Variants in TTF1 observed in about 807,000 individuals in gnomAD.
The protein encoded by TTF1 is transcription termination factor 1.
In TTF1, 64 loss-of-function variants were observed where a neutral mutation model predicts 80.2. The observed-to-expected ratio is 0.80, with a 90% CI of 0.65 to 0.98. The LOEUF (loss-of-function observed/expected upper bound fraction) is 0.98. Ranked by LOEUF, TTF1 falls within the 50% of genes least tolerant of loss-of-function variation. The pLI, the probability that TTF1 is intolerant of heterozygous loss-of-function variation, is 0.00. For synonymous variants in TTF1, 372 were observed against 382.7 expected, an observed-to-expected ratio of 0.97 and a Z score of 0.33; for missense variants, 1,023 against 1,086.2, an observed-to-expected ratio of 0.94 and a Z score of 0.82.
Position 132,388,017 on chromosome 9 carries a change from C to T in TTF1, c.2312+122G>A, listed in dbSNP as rs573911613. The T allele has an allele frequency of 4.1e-4, 267 of 655,374 alleles. 1 individual carries two copies. The Middle Eastern group carries it at 9.6e-3, about 24-fold the overall frequency. The allele number at this position is 655,374 out of a possible 1,614,324, so 40.6% of individuals were successfully genotyped here. ...GTAGGTCATATGCCCACAATACATG[C>T]GGAAAGTGCTGGAACAGGGATTTGG... On this transcript the variant is annotated intron_variant, in intron 8 of 10. Transcript: ENST00000334270.
At position 132,388,129 on chromosome 9, in the gene TTF1, T is replaced by A. The variant is rs932247711; in HGVS notation, c.2312+10A>T. ...AACAGTTAAGAGGCATCCGTTTCTA[T>A]TTTTCATACCTTTCAATAAGGCTGA... On this transcript the variant is annotated intron_variant, in intron 8 of 10. Transcript: ENST00000334270. 1 of 1,605,732 alleles carries A rather than the reference T, an allele frequency of 6.2e-7. No individual in the cohort carries two copies. The highest frequency in any genetic ancestry group is 1.3e-5 in the African/African-American group (1 of 74,844).
chr9:132,399,978 T>A (rs114078010), intron 3 of TTF1, 57 bp downstream of exon 3: 1 of 1,556,316 alleles, frequency 6.4e-7, no homozygotes, highest in Non-Finnish European at 8.8e-7. Context: ...AAAAGAAAGT[T>A]AGGTGCTAGC....
At chr9:132,382,732 A>G (rs1849388595) in intron 9 of TTF1, among the ~76,000 whole-genome samples, 1 of 150,966 alleles carries the variant, frequency 6.6e-6, no homozygotes, top group African/African-American at 2.4e-5. Context: ...CCTGGGCAAC[A>G]TGGCAAAACC....
At chr9:132,388,305 C>T (rs1435154281) in intron 7 of TTF1, 77 bp from the exon 8 acceptor site, 2 of 1,040,034 alleles carry the variant, frequency 1.9e-6, no homozygotes, top group Non-Finnish European at 2.8e-6. Context: ...TTTTTCTTAT[C>T]TAAATTGCTC....
chr9:132,384,008 G>A lies in TTF1; in HGVS notation c.2378+2548C>T, dbSNP rs550390506. ...AGTTGTTTTGTAGAATGTATTTCTA[G>A]AAATGGAATTACTAGAATTATTTGA... is the stretch of plus-strand genomic sequence containing the variant. On this transcript the variant is annotated intron_variant, in intron 9 of 10. Transcript: ENST00000334270. This position sits in a 1 kb window ranked among gnomAD's most constrained non-coding sequence, Gnocchi z 4.1. Among the ~76,000 whole-genome samples the A allele has an allele frequency of 6.6e-6, 1 of 152,220 alleles. No homozygotes were observed. The highest frequency in any genetic ancestry group is 2.1e-4 in the South Asian group (1 of 4,826).
intron 8 of TTF1, among the ~76,000 whole-genome samples, chr9:132,387,098 T>A (rs1849481916): frequency 6.6e-6 from 1 of 152,040 alleles, no homozygotes; most frequent in African/African-American, 2.4e-5. Flanking sequence ...GCTGGAACCA[T>A]AAGCACGTGG....
At chr9:132,394,801 G>A (rs982484604) in intron 5 of TTF1, among the ~76,000 whole-genome samples, 5 of 152,032 alleles carry the variant, frequency 3.3e-5, no homozygotes, top group Non-Finnish European at 7.4e-5. Context: ...GCTGAGGCAG[G>A]AGAATCGCTT....
intron 10 of TTF1, among the ~76,000 whole-genome samples, chr9:132,378,628 G>A (rs1167649163): frequency 7.4e-6 from 1 of 135,206 alleles, no homozygotes; most frequent in Non-Finnish European, 1.5e-5. Context: ...AGTGCATGTG[G>A]TTGGTGTGAG....
chr9:132,396,949 G>A (rs1849663055), intron 4 of TTF1, among the ~76,000 whole-genome samples: 2 of 152,054 alleles, frequency 1.3e-5, no homozygotes, highest in Admixed American at 1.3e-4. Context: ...TGGCCAGGCT[G>A]GTCTTGAACT....
chr9:132,390,820 C>G lies in TTF1; in HGVS notation c.1999G>C (p.Gly667Arg). 6.2e-7 allele frequency: 1 copy of G among 1,613,822 alleles called. No homozygotes were observed. The highest frequency in any genetic ancestry group is 8.5e-7 in the Non-Finnish European group (1 of 1,179,922). ...CGGGTTTCAGACTTACTCCAAGCAC[C>G]ACGATTTCTTTCTGTAGATATAAAA... ...FSQISSQRNR[G>R]AWSKSETRKL... The change falls in exon 7 of 11, where the codon GGT (glycine) becomes CGT (arginine). Residue 667 changes from glycine (G) to arginine (R), a missense_variant. By Grantham distance (125) the Gly-to-Arg change is moderately radical (BLOSUM62 -2). Coordinates refer to ENST00000334270, the MANE Select transcript of TTF1 (RefSeq NM_007344.4).
chr9:132,397,724 C>T (rs79501037), intron 4 of TTF1, among the ~76,000 whole-genome samples: 120 of 152,250 alleles, frequency 7.9e-4, no homozygotes, highest in African/African-American at 2.8e-3. Context: ...CGGTGGCTCA[C>T]GCCTGTAATC....
At position 132,375,738 on chromosome 9, in the gene TTF1, G is replaced by A. The variant is rs1183707664; in HGVS notation, c.*177C>T. 30 of 554,874 alleles carry A rather than the reference G, an allele frequency of 5.4e-5. No homozygotes were observed. The highest frequency in any genetic ancestry group is 5.1e-4 in the South Asian group (23 of 45,106). The allele number at this position is 554,874 out of a possible 1,614,324, so 34.4% of individuals were successfully genotyped here. A position where few individuals can be genotyped will look rare whatever the true frequency, so the allele number is the denominator to read the frequency against. ...AAATAGTAATCTCTCTCTCTCATGCGGTGGTGCGATCTTGGCTCACTGCAA... is the reference window on the plus strand; with the variant it reads ...AAATAGTAATCTCTCTCTCTCATGCAGTGGTGCGATCTTGGCTCACTGCAA... On this transcript the variant is annotated 3_prime_UTR_variant, in exon 11 of 11. Transcript: ENST00000334270.
chr9:132,379,150 G>T lies in TTF1; in HGVS notation c.2379-6C>A. 6.3e-7 allele frequency: 1 copy of T among 1,587,164 alleles called. No homozygotes were observed. Among genetic ancestry groups the T allele is most frequent in the South Asian group, 1.1e-5 (1 of 87,250 alleles). On this transcript the variant is annotated splice_region_variant and splice_polypyrimidine_tract_variant and intron_variant, in intron 9 of 10. Coordinates refer to ENST00000334270, the MANE Select transcript of TTF1 (RefSeq NM_007344.4). ...CGTAAGATGGAGGAACATCACTTTA[G>T]AAAAGGAAAGAAAAGATAAAAAGCA...
intron 5 of TTF1, among the ~76,000 whole-genome samples, chr9:132,393,375 C>G (rs1027639026): frequency 2.0e-5 from 3 of 151,864 alleles, no homozygotes; most frequent in East Asian, 1.9e-4. Context: ...GGAATGAGGG[C>G]AAGGAACACC....
chr9:132,378,153 G>C (rs1849272864), intron 10 of TTF1, among the ~76,000 whole-genome samples: 2 of 138,296 alleles, frequency 1.4e-5, no homozygotes, highest in South Asian at 4.7e-4. Flanking sequence ...CATGTGGTGT[G>C]TGTGAGTGCA....
At chr9:132,389,182 CTTT>C (rs548985050) in intron 7 of TTF1, among the ~76,000 whole-genome samples, 3 of 135,108 alleles carry the variant, frequency 2.2e-5, no homozygotes. Flanking sequence ...CTCACTCTTC[CTTT>C]TTTTTTTTTT....
At chr9:132,399,423 G>C (rs2082641542) in intron 3 of TTF1, among the ~76,000 whole-genome samples, 1 of 151,910 alleles carries the variant, frequency 6.6e-6, no homozygotes, top group South Asian at 2.1e-4. Context: ...TCAATGACCA[G>C]TTGTATTGGG....
At chr9:132,405,187 TTTC>T (rs1297258444) in intron 1 of TTF1, among the ~76,000 whole-genome samples, 8 of 151,274 alleles carry the variant, frequency 5.3e-5, no homozygotes, top group Non-Finnish European at 1.2e-4. Context: ...CACTGGCTGA[TTTC>T]TTTTCTTTTC....
chr9:132,375,863 AAT>A lies in TTF1; in HGVS notation c.*50_*51del. 1 of 1,160,392 alleles carries A rather than the reference AAT, an allele frequency of 8.6e-7. No homozygotes were observed. The highest frequency in any genetic ancestry group is 2.6e-5 in the East Asian group (1 of 39,128). 71.9% of individuals were successfully genotyped at this position (1,160,392 alleles called of 1,614,324 possible). ...ACACCCGGCTAATTTTTGCATTTTT[AAT>A]AGTGACAGGTCTTCACCATGTTGGT... is the stretch of plus-strand genomic sequence containing the variant. On this transcript the variant is annotated 3_prime_UTR_variant, in exon 11 of 11. Coordinates refer to ENST00000334270, the MANE Select transcript of TTF1 (RefSeq NM_007344.4).
Sources: allele counts gnomAD v4.1 joint callset (sites outside exome capture counted in the v4.1 genomes callset), GRCh38; gene constraint gnomAD v4.1.1; non-coding constraint Gnocchi (gnomAD v3.1); transcripts MANE v1.5; gene names NCBI Gene and HGNC (gene_info 2026-07-23, HGNC 2026-07-21).